The following TFEB variants were observed in gnomAD, a reference collection of about 807,000 sequenced individuals.
TFEB encodes the protein transcription factor EB.
In TFEB, 12 loss-of-function variants were observed where a neutral mutation model predicts 48.0. The observed-to-expected ratio is 0.25, with a 90% CI of 0.16 to 0.40. The LOEUF is 0.40. Ranked by LOEUF, TFEB falls within the 10% of genes least tolerant of loss-of-function variation. TFEB has a pLI of 1.00. For synonymous variants in TFEB, 244 were observed against 261.4 expected (o/e 0.93, Z 0.64); for missense variants, 509 against 640.3 (o/e 0.79, Z 2.21).
rs1287538792 is a variant in TFEB at position 41,730,952 on chromosome 6, G to A, written c.-23+4398C>T. 1.3e-5 allele frequency among the ~76,000 whole-genome samples: 2 copies of A among 152,144 alleles called. No homozygotes were observed. The highest frequency in any genetic ancestry group is 2.9e-5 in the Non-Finnish European group (2 of 68,018). On this transcript the variant is annotated intron_variant, in intron 1 of 8. Transcript: ENST00000373033. This position sits in a 1 kb window ranked among gnomAD's most constrained non-coding sequence, Gnocchi z 4.1. Reference sequence around the variant, plus strand: ...CTGGTGTGGTGGGACAGAGAGTGGTGGGAAGCCCCACGTAAAGCATTACAT... The same window carrying A: ...CTGGTGTGGTGGGACAGAGAGTGGTAGGAAGCCCCACGTAAAGCATTACAT...
chr6:41,731,147 C>T (rs1418427977), intron 1 of TFEB, among the ~76,000 whole-genome samples: 2 of 152,186 alleles, frequency 1.3e-5, no homozygotes, highest in Non-Finnish European at 2.9e-5. Flanking sequence ...GCATCAATAT[C>T]GGCATACTCA....
rs1771642187 is a variant in TFEB, at chr6:41,735,462, C to T, written c.-135G>A. 14 of 984,746 alleles carry T rather than the reference C, an allele frequency of 1.4e-5. No individual in the cohort carries two copies. The highest frequency in any genetic ancestry group is 1.6e-5 in the Non-Finnish European group (13 of 829,736). 61.0% of individuals were successfully genotyped at this position (984,746 alleles called of 1,614,324 possible). A position where few individuals can be genotyped will look rare whatever the true frequency, so the allele number is the denominator to read the frequency against. ...GCCCGCCACCTGCTCCCGGCCTGCTCCGGCCCCGTGCCACCAGGGAGGCCC... is the reference window on the plus strand; with the variant it reads ...GCCCGCCACCTGCTCCCGGCCTGCTTCGGCCCCGTGCCACCAGGGAGGCCC... On this transcript the variant is annotated 5_prime_UTR_variant, in exon 1 of 9. Transcript: ENST00000373033.
chr6:41,723,527 A>G lies in TFEB; in HGVS notation c.-23+11823T>C, dbSNP rs1189273608. The stretch of plus-strand genomic sequence containing the variant: ...TCAGCTCCTCCAGGGGCCGGAGCCC[A>G]GGGCCGCACCCCAGCCCCAGGGCCG... On this transcript the variant is annotated intron_variant, in intron 1 of 8. Coordinates refer to ENST00000373033, the MANE Select transcript of TFEB (RefSeq NM_001271944.2). The surrounding 1 kb of genome is among the most constrained non-coding windows in gnomAD (Gnocchi z 6.0). The G allele has an allele frequency of 7.8e-7, 1 of 1,285,566 alleles. No homozygotes were observed. The highest frequency in any genetic ancestry group is 1.0e-6 in the Non-Finnish European group (1 of 987,296). The allele number at this position is 1,285,566 out of a possible 1,614,324, so 79.6% of individuals were successfully genotyped here.
At position 41,722,599 on chromosome 6, in the gene TFEB, A is replaced by G. The variant is rs531135489; in HGVS notation, c.-23+12751T>C. On this transcript the variant is annotated intron_variant, in intron 1 of 8. Coordinates refer to ENST00000373033, the MANE Select transcript of TFEB (RefSeq NM_001271944.2). ...ACATGTCCCCATCTGCAAAATGGGA[A>G]TGATAGCAGCATCCCCCTCATGGGG... Among the ~76,000 whole-genome samples, 6 of 152,370 alleles carry G rather than the reference A, an allele frequency of 3.9e-5. No homozygotes were observed. The East Asian group carries it at 1.2e-3, about 29-fold the overall frequency.
At chr6:41,707,058 G>A (rs1770261800) in intron 1 of TFEB, among the ~76,000 whole-genome samples, 1 of 152,048 alleles carries the variant, frequency 6.6e-6, no homozygotes, top group Non-Finnish European at 1.5e-5. Context: ...TGCCTGCCCA[G>A]CCCCAAGGCT....
rs56059829 is a variant in TFEB, at chr6:41,697,408, C to CAAAAAAAAAAAAAAAAAAA, written c.-22-6192_-22-6174dup. 3.5e-3 allele frequency among the ~76,000 whole-genome samples: 225 copies of CAAAAAAAAAAAAAAAAAAA among 63,390 alleles called. 6 individuals carry two copies. Among genetic ancestry groups the CAAAAAAAAAAAAAAAAAAA allele is most frequent in the African/African-American group, 8.5e-3 (98 of 11,504 alleles). 41.6% of individuals were successfully genotyped at this position (63,390 alleles called of 152,430 possible). ...GGGCAACAAGAGTGAAACTCCATCT[C>CAAAAAAAAAAAAAAAAAAA]AAAAAAAAAAAAAAAAAAAGAATGA... On this transcript the variant is annotated intron_variant, in intron 1 of 8. Coordinates refer to ENST00000373033, the MANE Select transcript of TFEB (RefSeq NM_001271944.2).
intron 7 of TFEB, 69 bp downstream of exon 7, chr6:41,687,025 A>G: frequency 7.6e-7 from 1 of 1,321,128 alleles, no homozygotes; most frequent in Non-Finnish European, 1.1e-6. Flanking sequence ...CATGGGGCTG[A>G]GGGCAGATAA....
At chr6:41,695,361 G>A (rs1769523097) in intron 1 of TFEB, among the ~76,000 whole-genome samples, 1 of 152,230 alleles carries the variant, frequency 6.6e-6, no homozygotes, top group Non-Finnish European at 1.5e-5. Flanking sequence ...AATGGTATAT[G>A]TGTAGACAAC....
At chr6:41,729,062 G>T (rs1001558021) in intron 1 of TFEB, among the ~76,000 whole-genome samples, 1 of 151,880 alleles carries the variant, frequency 6.6e-6, no homozygotes, top group Admixed American at 6.6e-5. Flanking sequence ...GAGGACTGGC[G>T]GGCTCAGACA....
rs1768866486 is a variant in TFEB, at chr6:41,684,263, TGA to T, written c.*334_*335del. On this transcript the variant is annotated 3_prime_UTR_variant, in exon 9 of 9. Coordinates refer to ENST00000373033, the MANE Select transcript of TFEB (RefSeq NM_001271944.2). ...CCTCAAGCATGTCCTTCACTGGTAA[TGA>T]GGGGCTCGGGCTCAGAAGACAGGGA... The T allele has an allele frequency of 3.7e-6, 1 of 271,896 alleles. No individual in the cohort carries two copies. The highest frequency in any genetic ancestry group is 6.9e-6 in the Non-Finnish European group (1 of 144,720). The allele number at this position is 271,896 out of a possible 1,614,324, so 16.8% of individuals were successfully genotyped here.
intron 1 of TFEB, among the ~76,000 whole-genome samples, chr6:41,731,695 G>A (rs762043516): frequency 3.3e-5 from 5 of 152,146 alleles, no homozygotes; most frequent in East Asian, 3.9e-4. Flanking sequence ...CTTTACTGCC[G>A]TCCCATTCTC....
At chr6:41,736,141 C>T (rs1771666794), upstream of TFEB, 1 of 1,612,924 alleles carries the variant, frequency 6.2e-7, no homozygotes, top group Non-Finnish European at 8.5e-7. Context: ...TCACGCCCCA[C>T]TCACCAGCCT....
chr6:41,715,980 A>G (rs1469344188), intron 1 of TFEB, among the ~76,000 whole-genome samples: 1 of 152,154 alleles, frequency 6.6e-6, no homozygotes, highest in East Asian at 1.9e-4. Flanking sequence ...ATCTCACTCA[A>G]AGAAAAGCTG....
At chr6:41,686,321 T>A in intron 7 of TFEB, 84 bp from the exon 8 acceptor site, 1 of 1,557,470 alleles carries the variant, frequency 6.4e-7, no homozygotes, top group Non-Finnish European at 8.8e-7. Context: ...GCAGAGCTTA[T>A]GTGGCCTGTC....
At chr6:41,686,776 A>G (rs1320479540) in intron 7 of TFEB, 1 of 376,152 alleles carries the variant, frequency 2.7e-6, no homozygotes, top group African/African-American at 2.0e-5. Flanking sequence ...TCAGCTTCCC[A>G]CAGTGCTGGG....
intron 1 of TFEB, among the ~76,000 whole-genome samples, chr6:41,697,427 A>AAAAAAAAAAAAAG (rs1769655029): frequency 2.1e-5 from 3 of 145,280 alleles, no homozygotes; most frequent in African/African-American, 7.8e-5. Flanking sequence ...AAAAAAAAAA[A>AAAAAAAAAAAAAG]GAATGAGGGC....
chr6:41,689,252 T>C (rs1028529823), intron 4 of TFEB, among the ~76,000 whole-genome samples: 7 of 152,056 alleles, frequency 4.6e-5, no homozygotes, highest in Admixed American at 1.3e-4. Context: ...GTTCCTGTGG[T>C]TGGGGACAAG....
chr6:41,700,920 C>A (rs962811283), intron 1 of TFEB, among the ~76,000 whole-genome samples: 1 of 152,238 alleles, frequency 6.6e-6, no homozygotes, highest in East Asian at 1.9e-4. Flanking sequence ...CAGGGAGTCG[C>A]CCTGTCCTGT....
At position 41,691,188 on chromosome 6, in the gene TFEB, A is replaced by G; in HGVS notation, c.26T>C (p.Met9Thr). 6.3e-7 allele frequency: 1 copy of G among 1,589,668 alleles called. No individual in the cohort carries two copies. Among genetic ancestry groups the G allele is most frequent in the Non-Finnish European group, 8.6e-7 (1 of 1,165,866 alleles). Residue 9 changes from methionine to threonine, a missense_variant, in exon 2 of 9, where the codon ATG (methionine) becomes ACG (threonine). Met to Thr is a moderately conservative substitution (Grantham distance 81, BLOSUM62 -1). Transcript: ENST00000373033. This position sits in a 1 kb window ranked among gnomAD's most constrained non-coding sequence, Gnocchi z 5.2. The part of the protein sequence containing the change: MASRIGLR[M>T]QLMREQAQQE... ...CTGCGCCTGCTCCCGCATGAGCTGC[A>G]TGCGCAACCCTATGCGTGACGCCAT...
Sources: gnomAD v4.1 joint callset for allele counts (sites outside exome capture counted in the v4.1 genomes callset) on GRCh38, gnomAD v4.1.1 for gene constraint, Gnocchi (gnomAD v3.1) non-coding constraint, MANE v1.5 for transcripts, NCBI Gene and HGNC (gene_info 2026-07-23, HGNC 2026-07-21) for gene names.